Variants in PHACTR2 observed in about 807,000 individuals in gnomAD.
The protein encoded by PHACTR2 is phosphatase and actin regulator 2, also known as chromosome 6 open reading frame 56.
PHACTR2 carries 30 observed loss-of-function variants against 76.0 expected under a neutral mutation model. The ratio of observed to expected loss-of-function variants is 0.39; its 90% CI spans 0.30 to 0.54. The LOEUF (loss-of-function observed/expected upper bound fraction) is 0.54, where lower values mean the gene tolerates loss of function less well. Among genes scored for constraint, PHACTR2 ranks in the 20% least tolerant of loss-of-function variants. The pLI is 0.61. For synonymous variants in PHACTR2, 292 were observed against 292.5 expected (o/e 1.00, Z 0.02); for missense variants, 696 against 781.1 (o/e 0.89, Z 1.30).
intron 11 of PHACTR2, among the ~76,000 whole-genome samples, chr6:143,792,169 G>A (rs1206434505): frequency 1.3e-5 from 2 of 152,116 alleles, no homozygotes; most frequent in African/African-American, 2.4e-5. Flanking sequence ...TGCCCTCAAG[G>A]TCAAAGCCAG....
At chr6:143,802,683 A>G (rs970972343) in intron 11 of PHACTR2, among the ~76,000 whole-genome samples, 12 of 148,914 alleles carry the variant, frequency 8.1e-5, no homozygotes, top group Middle Eastern at 3.5e-3. Context: ...AATTACATAT[A>G]TGTGAAGAAT....
intron 1 of PHACTR2, among the ~76,000 whole-genome samples, chr6:143,638,599 A>ACACC (rs142885315): frequency 0.021 from 3,077 of 149,768 alleles, 93 homozygotes; most frequent in African/African-American, 0.072. Flanking sequence ...ACACACACAC[A>ACACC]CCCAGCTATC....
At chr6:143,584,236 C>T (rs1455861249) in intron 1 of PHACTR2, among the ~76,000 whole-genome samples, 2 of 152,130 alleles carry the variant, frequency 1.3e-5, no homozygotes, top group African/African-American at 4.8e-5. Context: ...CTTTTGGAGG[C>T]CCGTCATGGA....
chr6:143,788,489 T>C (rs1353948995), intron 10 of PHACTR2, among the ~76,000 whole-genome samples: 1 of 152,212 alleles, frequency 6.6e-6, no homozygotes, highest in African/African-American at 2.4e-5. Context: ...ATGATAGACC[T>C]TTATCACAGT....
chr6:143,584,732 G>A (rs1223068209), intron 1 of PHACTR2, among the ~76,000 whole-genome samples: 1 of 152,154 alleles, frequency 6.6e-6, no homozygotes, highest in East Asian at 1.9e-4. Context: ...TGAGTGTCAG[G>A]CTCTGGGTAA....
intron 1 of PHACTR2, among the ~76,000 whole-genome samples, chr6:143,667,287 A>G (rs1052725232): frequency 7.2e-5 from 11 of 152,264 alleles, no homozygotes; most frequent in African/African-American, 2.6e-4. Context: ...GTAGCCTTGT[A>G]GTATAGTTTG....
chr6:143,581,541 G>A lies in PHACTR2; in HGVS notation c.217+44334G>A, dbSNP rs13200325. 0.3 allele frequency among the ~76,000 whole-genome samples: 45,138 copies of A among 152,006 alleles called. 6,791 individuals are homozygous for A. Among genetic ancestry groups the A allele is most frequent in the Middle Eastern group, 0.42 (123 of 294 alleles). On this transcript the variant is annotated intron_variant, in intron 1 of 11. Coordinates refer to the PHACTR2 transcript ENST00000367584. The surrounding 1 kb of genome is among the most constrained non-coding windows in gnomAD (Gnocchi z 4.5). ...AAGAAGCTCTTTTTCCACTGAAACA[G>A]GAGGAATGGCGGGAAGGATGAATGG...
At position 143,611,977 on chromosome 6, in the gene PHACTR2, G is replaced by T. The variant is rs1241850431; in HGVS notation, c.13+3655G>T. Reference sequence around the variant, plus strand: ...TCCCGTTAGAGAATTTAAGACAGTAGTCCTGCACTACTGAACACAAGATGA... The same window carrying T: ...TCCCGTTAGAGAATTTAAGACAGTATTCCTGCACTACTGAACACAAGATGA... On this transcript the variant is annotated intron_variant, in intron 1 of 11. Transcript: ENST00000305766. This position sits in a 1 kb window ranked among gnomAD's most constrained non-coding sequence, Gnocchi z 4.4. Among the ~76,000 whole-genome samples, 1 of 152,194 alleles carries T rather than the reference G, an allele frequency of 6.6e-6. No individual in the cohort carries two copies. The highest frequency in any genetic ancestry group is 1.5e-5 in the Non-Finnish European group (1 of 68,040).
intron 1 of PHACTR2, among the ~76,000 whole-genome samples, chr6:143,593,789 G>A (rs1279640001): frequency 6.6e-6 from 1 of 152,162 alleles, no homozygotes; most frequent in African/African-American, 2.4e-5. Context: ...GAATGTGTTA[G>A]GCCCTGTACT....
In PHACTR2 at chr6:143,658,332, A is replaced by G. The variant is rs1259931268; in HGVS notation, c.13+50010A>G. ...AAACTTAAATATGAACTTAAAACTT[A>G]ACCTGAAGTTGACCTCCTTAATGAT... On this transcript the variant is annotated intron_variant, in intron 1 of 11. Coordinates refer to the PHACTR2 transcript ENST00000305766. The surrounding 1 kb of genome is among the most constrained non-coding windows in gnomAD (Gnocchi z 4.1). 6.6e-6 allele frequency among the ~76,000 whole-genome samples: 1 copy of G among 152,236 alleles called. No individual in the cohort carries two copies. The highest frequency in any genetic ancestry group is 1.5e-5 in the Non-Finnish European group (1 of 68,038).
At chr6:143,729,729 A>C (rs533349878) in intron 2 of PHACTR2, among the ~76,000 whole-genome samples, 87 of 152,276 alleles carry the variant, frequency 5.7e-4, no homozygotes, top group African/African-American at 2.0e-3. Context: ...TCAGTTTGAG[A>C]GTATTATATC....
chr6:143,766,781 A>T (rs1322630197), intron 6 of PHACTR2, among the ~76,000 whole-genome samples: 1 of 152,206 alleles, frequency 6.6e-6, no homozygotes, highest in African/African-American at 2.4e-5. Flanking sequence ...CATCACTCAC[A>T]AAGTCCTATA....
At chr6:143,785,721 C>T (rs189674516) in intron 10 of PHACTR2, among the ~76,000 whole-genome samples, 24 of 152,320 alleles carry the variant, frequency 1.6e-4, no homozygotes, top group Non-Finnish European at 2.8e-4. Flanking sequence ...CAGTTTCTGA[C>T]TTCTTTTCAC....
Position 143,760,440 on chromosome 6 carries a change from C to T in PHACTR2, c.494C>T (p.Ala165Val). 1.9e-6 allele frequency: 3 copies of T among 1,613,452 alleles called. No individual in the cohort carries two copies. Among genetic ancestry groups the T allele is most frequent in the African/African-American group, 1.3e-5 (1 of 75,024 alleles). ...CACTCTGAAACACCGGCAGCTCCTGCTCTACCTCCTTCTGCTCCTCCTAAG... is the reference window on the plus strand; with the variant it reads ...CACTCTGAAACACCGGCAGCTCCTGTTCTACCTCCTTCTGCTCCTCCTAAG... Reference protein sequence around the residue: ...ENHSETPAAPALPPSAPPKPR... With the variant: ...ENHSETPAAPVLPPSAPPKPR... Residue 165 changes from alanine (A) to valine (V), a missense_variant, in exon 5 of 13, where the codon GCT becomes GTT. Physicochemically the swap from Ala to Val is moderately conservative, Grantham distance 64. Transcript: ENST00000440869. This position sits in a 1 kb window ranked among gnomAD's most constrained non-coding sequence, Gnocchi z 6.4.
rs1033240571 is a variant in PHACTR2, at chr6:143,679,902, G to A, written c.46+1693G>A. 1.3e-5 allele frequency among the ~76,000 whole-genome samples: 2 copies of A among 152,062 alleles called. No individual in the cohort carries two copies. Among genetic ancestry groups the A allele is most frequent in the Non-Finnish European group, 2.9e-5 (2 of 67,990 alleles). On this transcript the variant is annotated intron_variant, in intron 1 of 12. Transcript: ENST00000440869. This position sits in a 1 kb window ranked among gnomAD's most constrained non-coding sequence, Gnocchi z 4.6. ...AAGATAATTCAGAGAAATATCTCACGGAACGGTGTTATACTTAAATTGCAG... is the reference window on the plus strand; with the variant it reads ...AAGATAATTCAGAGAAATATCTCACAGAACGGTGTTATACTTAAATTGCAG...
In PHACTR2 at chr6:143,658,623, A is replaced by C. The variant is rs1317836570; in HGVS notation, c.13+50301A>C. 3.9e-5 allele frequency among the ~76,000 whole-genome samples: 6 copies of C among 152,248 alleles called. No individual in the cohort carries two copies. The highest frequency in any genetic ancestry group is 8.8e-5 in the Non-Finnish European group (6 of 68,040). On this transcript the variant is annotated intron_variant, in intron 1 of 11. Transcript: ENST00000305766. This position sits in a 1 kb window ranked among gnomAD's most constrained non-coding sequence, Gnocchi z 4.1. ...ATCTGTGCAGCATGTTACTGCACTG[A>C]ATACTACAGACAATTATAACACAAT...
chr6:143,552,646 A>G (rs1775108881), intron 1 of PHACTR2, among the ~76,000 whole-genome samples: 2 of 152,114 alleles, frequency 1.3e-5, no homozygotes. Flanking sequence ...GCTCATACCT[A>G]TAATCCCAGC....
chr6:143,647,887 G>A lies in PHACTR2; in HGVS notation c.13+39565G>A, dbSNP rs780570865. On this transcript the variant is annotated intron_variant, in intron 1 of 11. Transcript: ENST00000305766. This position sits in a 1 kb window ranked among gnomAD's most constrained non-coding sequence, Gnocchi z 4.2. ...CTAGCCACAGCCAACTCAGGGAGGC[G>A]TTGTAGGCCCTGGTAAGGATTTAGG... Among the ~76,000 whole-genome samples, 4 of 152,204 alleles carry A rather than the reference G, an allele frequency of 2.6e-5. No homozygotes were observed. The highest frequency in any genetic ancestry group is 9.7e-5 in the African/African-American group (4 of 41,448).
rs1776574540 is a variant in PHACTR2 at position 143,827,587 on chromosome 6, A to G, written c.*3898A>G. The G allele has an allele frequency of 6.6e-6, 1 of 152,172 alleles. No individual in the cohort carries two copies. The highest frequency in any genetic ancestry group is 1.5e-5 in the Non-Finnish European group (1 of 68,026). The allele number at this position is 152,172 out of a possible 1,614,324, so 9.4% of individuals were successfully genotyped here. ...ACCCCTGAGTATGGTAGAATTGTTA[A>G]AGCATTCTTAAATTCCAATTATATG... On this transcript the variant is annotated 3_prime_UTR_variant, in exon 13 of 13. Coordinates refer to ENST00000440869, the MANE Select transcript of PHACTR2 (RefSeq NM_001100164.2).
Sources: gnomAD v4.1 joint callset for allele counts (sites outside exome capture counted in the v4.1 genomes callset) on GRCh38, gnomAD v4.1.1 for gene constraint, Gnocchi (gnomAD v3.1) non-coding constraint, MANE v1.5 for transcripts, NCBI Gene and HGNC (gene_info 2026-07-23, HGNC 2026-07-21) for gene names.